The following BABAM2 variants were observed in gnomAD, a reference collection of about 807,000 sequenced individuals.
The protein encoded by BABAM2 is BRISC and BRCA1-A complex member 2.
A neutral mutation model predicts 54.7 loss-of-function variants in BABAM2; 31 were observed. The ratio of observed to expected loss-of-function variants is 0.57; its 90% CI spans 0.43 to 0.77. The LOEUF (loss-of-function observed/expected upper bound fraction) is 0.77. BABAM2 is among the 30% of genes least tolerant of loss of function. BABAM2 has a pLI of 0.00. For missense variants in BABAM2, 364 were observed against 455.8 expected (o/e 0.80, Z 1.83); for synonymous variants, 167 against 162.9 (o/e 1.03, Z -0.19).
chr2:27,912,744 C>A (rs960609985), intron 2 of BABAM2, among the ~76,000 whole-genome samples: 3 of 152,136 alleles, frequency 2.0e-5, no homozygotes, highest in Non-Finnish European at 4.4e-5. Flanking sequence ...ACTGGCTTGT[C>A]AAATTTATTA....
chr2:28,115,986 A>G (rs978597167), intron 6 of BABAM2, among the ~76,000 whole-genome samples: 2 of 151,178 alleles, frequency 1.3e-5, no homozygotes, highest in South Asian at 2.1e-4. Flanking sequence ...ATGGTGGTGT[A>G]TGCCTGTAAA....
At chr2:28,313,356 C>G (rs1055206188) in intron 11 of BABAM2, among the ~76,000 whole-genome samples, 8 of 152,220 alleles carry the variant, frequency 5.3e-5, no homozygotes, top group Non-Finnish European at 1.0e-4. Flanking sequence ...AGCAGGGAGG[C>G]TGCACATTGA....
chr2:28,288,823 G>A (rs534118197), intron 10 of BABAM2, among the ~76,000 whole-genome samples: 40 of 152,094 alleles, frequency 2.6e-4, no homozygotes, highest in Non-Finnish European at 4.3e-4. Context: ...GCGTGACACC[G>A]CGTGTGTGCC....
At chr2:27,952,032 A>AT (rs1037743606) in intron 3 of BABAM2, among the ~76,000 whole-genome samples, 9 of 152,228 alleles carry the variant, frequency 5.9e-5, no homozygotes, top group African/African-American at 2.2e-4. Context: ...CTGTTCTGTC[A>AT]TTTTTTGCTT....
chr2:28,250,340 A>G (rs1191195869), intron 10 of BABAM2, among the ~76,000 whole-genome samples: 2 of 37,800 alleles, frequency 5.3e-5, no homozygotes, highest in African/African-American at 1.6e-4. Context: ...TTTTTTTTTT[A>G]GCTATCTAAT....
At chr2:28,308,541 A>T in intron 11 of BABAM2, 1 of 504,682 alleles carries the variant, frequency 2.0e-6, no homozygotes. Context: ...CAACACCCTG[A>T]TCAGGCCTGA....
rs1664638144 is a variant in BABAM2 at position 28,076,117 on chromosome 2, A to ATAAAATG, written c.570+30320_570+30321insAAATGTA. On this transcript the variant is annotated intron_variant, in intron 6 of 11. Coordinates refer to ENST00000379624, the MANE Select transcript of BABAM2 (RefSeq NM_199191.3). ...TGTCTCTACAACAAAAAATAAAAATATATAAAAATTAACTGGGCATGGTGG... is the reference window on the plus strand; with the variant it reads ...TGTCTCTACAACAAAAAATAAAAATATAAAATGTATAAAAATTAACTGGGCATGGTGG... Among the ~76,000 whole-genome samples the ATAAAATG allele has an allele frequency of 4.0e-5, 6 of 151,816 alleles. No individual in the cohort carries two copies. In the South Asian group the frequency reaches 1.2e-3, roughly 32 times the overall value.
intron 6 of BABAM2, among the ~76,000 whole-genome samples, chr2:28,112,146 T>TTTC (rs1344247281): frequency 0.016 from 164 of 10,536 alleles, 26 homozygotes; most frequent in Middle Eastern, 0.02. Flanking sequence ...TCTTTCTTTC[T>TTTC]TTACCTCCCT....
At chr2:28,045,452 A>G (rs1164275155) in intron 5 of BABAM2, among the ~76,000 whole-genome samples, 2 of 152,236 alleles carry the variant, frequency 1.3e-5, no homozygotes, top group Admixed American at 1.3e-4. Flanking sequence ...TACTTTTAAG[A>G]AACAAAAAGG....
At chr2:28,044,625 G>T (rs552797175) in intron 5 of BABAM2, among the ~76,000 whole-genome samples, 1 of 152,206 alleles carries the variant, frequency 6.6e-6, no homozygotes, top group South Asian at 2.1e-4. Flanking sequence ...TGTGTGCCTA[G>T]GTGCATTCAT....
intron 6 of BABAM2, among the ~76,000 whole-genome samples, chr2:28,070,065 A>G (rs994869088): frequency 3.9e-5 from 6 of 152,174 alleles, no homozygotes; most frequent in African/African-American, 1.4e-4. Context: ...AACAGGACAA[A>G]TATTTACTAA....
chr2:27,961,693 C>A (rs1670480786), intron 3 of BABAM2, among the ~76,000 whole-genome samples: 2 of 150,518 alleles, frequency 1.3e-5, no homozygotes, highest in Admixed American at 1.3e-4. Context: ...TATTACCTGG[C>A]CTAATACATC....
rs1027139405 is a variant in BABAM2, at chr2:28,065,134, C to G, written c.570+19335C>G. On this transcript the variant is annotated intron_variant, in intron 6 of 11. Transcript: ENST00000379624. ...ATCAAGGCGGTTTAACTTTAGTCAACACTGTAATATAAAGCTATCCCAAAT... is the reference window on the plus strand; with the variant it reads ...ATCAAGGCGGTTTAACTTTAGTCAAGACTGTAATATAAAGCTATCCCAAAT... Among the ~76,000 whole-genome samples, 3 of 152,202 alleles carry G rather than the reference C, an allele frequency of 2.0e-5. No homozygotes were observed. The Middle Eastern group carries it at 0.01, about 521-fold the overall frequency.
At chr2:27,986,349 A>AG (rs1343287810) in intron 3 of BABAM2, among the ~76,000 whole-genome samples, 1 of 151,226 alleles carries the variant, frequency 6.6e-6, no homozygotes, top group Admixed American at 6.6e-5. Flanking sequence ...TTTTAATAGC[A>AG]GGGTTTTTTT....
In BABAM2 at chr2:28,215,744, G is replaced by A. The variant is rs80275352; in HGVS notation, c.681-21458G>A. Among the ~76,000 whole-genome samples, 491 of 152,182 alleles carry A rather than the reference G, an allele frequency of 3.2e-3. 8 individuals carry two copies. The East Asian group carries it at 0.05, about 15-fold the overall frequency. ...TTTAGGTAATAATCAAGCTGTCATA[G>A]GTGAACCAGTTTCTGCCCCTCTGCT... On this transcript the variant is annotated intron_variant, in intron 7 of 11. Transcript: ENST00000379624.
intron 7 of BABAM2, among the ~76,000 whole-genome samples, chr2:28,202,114 T>C (rs1421424030): frequency 6.6e-6 from 1 of 152,156 alleles, no homozygotes; most frequent in East Asian, 1.9e-4. Context: ...ACACCTCTAC[T>C]CTGATAAGGA....
intron 6 of BABAM2, among the ~76,000 whole-genome samples, chr2:28,076,531 T>C (rs1664697832): frequency 1.3e-5 from 2 of 151,978 alleles, no homozygotes; most frequent in Admixed American, 1.3e-4. Context: ...AGTCTTGCTC[T>C]GTCACCCAGG....
chr2:28,069,840 T>C (rs1269568272), intron 6 of BABAM2, among the ~76,000 whole-genome samples: 1 of 152,228 alleles, frequency 6.6e-6, no homozygotes, highest in Non-Finnish European at 1.5e-5. Context: ...ATGTTATTTA[T>C]TATCATTCTT....
chr2:28,147,080 C>T (rs779738194), intron 7 of BABAM2, among the ~76,000 whole-genome samples: 2 of 152,132 alleles, frequency 1.3e-5, no homozygotes, highest in Non-Finnish European at 1.5e-5. Flanking sequence ...TAACTACTGG[C>T]ATGTAAGACA....
Sources: gnomAD v4.1 joint callset for allele counts (sites outside exome capture counted in the v4.1 genomes callset) on GRCh38, gnomAD v4.1.1 for gene constraint, MANE v1.5 for transcripts, NCBI Gene and HGNC (gene_info 2026-07-23, HGNC 2026-07-21) for gene names.